Variants in SLC39A10 observed in about 807,000 individuals in gnomAD.
The protein encoded by SLC39A10 is zinc transporter ZIP10.
In SLC39A10, 13 loss-of-function variants were observed where a neutral mutation model predicts 65.1. The ratio of observed to expected loss-of-function variants is 0.20; its 90% CI spans 0.13 to 0.32. The LOEUF is 0.32. SLC39A10 is among the 10% of genes least tolerant of loss of function. The pLI is 1.00. For synonymous variants in SLC39A10, 321 were observed against 342.2 expected, an observed-to-expected ratio of 0.94 and a Z score of 0.68; for missense variants, 831 against 1,018.4, an observed-to-expected ratio of 0.82 and a Z score of 2.50.
At chr2:195,616,695 C>G (rs1343222694) in intron 2 of SLC39A10, among the ~76,000 whole-genome samples, 1 of 151,716 alleles carries the variant, frequency 6.6e-6, no homozygotes, top group Middle Eastern at 3.4e-3. Context: ...GCTCCGCCTC[C>G]CAGGTTCACG....
At chr2:195,690,503 G>A (rs1690696651) in intron 3 of SLC39A10, among the ~76,000 whole-genome samples, 1 of 152,116 alleles carries the variant, frequency 6.6e-6, no homozygotes, top group South Asian at 2.1e-4. Context: ...CCCCAAGAGT[G>A]CACAAGTCTC....
upstream of SLC39A10, among the ~76,000 whole-genome samples, chr2:195,651,996 G>A (rs1048570590): frequency 1.3e-5 from 2 of 152,170 alleles, no homozygotes; most frequent in Non-Finnish European, 1.5e-5. Context: ...TGTGCCCAAG[G>A]TGGTAGTTAA....
intron 1 of SLC39A10, among the ~76,000 whole-genome samples, chr2:195,672,936 T>C (rs999448927): frequency 3.3e-5 from 5 of 152,226 alleles, no homozygotes; most frequent in African/African-American, 1.2e-4. Context: ...TATCTTCCTT[T>C]GCTTAACAGT....
chr2:195,621,777 C>A (rs1688353451), intron 2 of SLC39A10, among the ~76,000 whole-genome samples: 1 of 152,116 alleles, frequency 6.6e-6, no homozygotes, highest in Non-Finnish European at 1.5e-5. Context: ...GAAATTAATT[C>A]TTTGTGTTTT....
At chr2:195,629,847 C>T (rs1004632595) in intron 2 of SLC39A10, among the ~76,000 whole-genome samples, 3 of 152,148 alleles carry the variant, frequency 2.0e-5, no homozygotes, top group Non-Finnish European at 4.4e-5. Flanking sequence ...CCTGCTTCAA[C>T]CTCTCAAGTA....
upstream of SLC39A10, among the ~76,000 whole-genome samples, chr2:195,654,059 C>T (rs1689097716): frequency 1.3e-5 from 2 of 152,110 alleles, no homozygotes; most frequent in Non-Finnish European, 2.9e-5. Flanking sequence ...CTGCCTCAGC[C>T]TTCCCAAGTA....
intron 3 of SLC39A10, among the ~76,000 whole-genome samples, chr2:195,701,674 A>G (rs1691201081): frequency 6.7e-6 from 1 of 150,086 alleles, no homozygotes; most frequent in African/African-American, 2.4e-5. Context: ...AGATTTTCAC[A>G]GGTTTTTTTT....
At chr2:195,641,545 A>G (rs926495011) in intron 2 of SLC39A10, among the ~76,000 whole-genome samples, 3 of 152,038 alleles carry the variant, frequency 2.0e-5, no homozygotes, top group Non-Finnish European at 4.4e-5. Flanking sequence ...TATTAATGGG[A>G]CTTTTTATAT....
intron 3 of SLC39A10, among the ~76,000 whole-genome samples, chr2:195,697,550 C>T (rs973777356): frequency 6.6e-6 from 1 of 151,942 alleles, no homozygotes; most frequent in African/African-American, 2.4e-5. Context: ...AGCCTAGTGC[C>T]CATTAGTTAT....
At chr2:195,643,090 G>C (rs1189712726) in intron 2 of SLC39A10, among the ~76,000 whole-genome samples, 1 of 152,224 alleles carries the variant, frequency 6.6e-6, no homozygotes, top group East Asian at 1.9e-4. Flanking sequence ...TCCTGGGGAT[G>C]TCACCTCACC....
intron 3 of SLC39A10, among the ~76,000 whole-genome samples, chr2:195,703,159 A>T (rs1691258160): frequency 6.6e-6 from 1 of 152,138 alleles, no homozygotes; most frequent in Non-Finnish European, 1.5e-5. Context: ...CATAGAACTA[A>T]TGAGCTCAGT....
At chr2:195,613,819 A>G (rs549097512) in intron 2 of SLC39A10, among the ~76,000 whole-genome samples, 2 of 152,262 alleles carry the variant, frequency 1.3e-5, no homozygotes, top group Non-Finnish European at 2.9e-5. Context: ...TATAGGAGCA[A>G]GAGAAAATGG....
At chr2:195,663,294 A>G (rs925090673) in intron 1 of SLC39A10, among the ~76,000 whole-genome samples, 6 of 152,310 alleles carry the variant, frequency 3.9e-5, no homozygotes, top group African/African-American at 1.4e-4. Flanking sequence ...ATATTTTGGT[A>G]TATTAACTCA....
upstream of SLC39A10, chr2:195,656,680 T>G (rs956563598): frequency 3.9e-5 from 6 of 152,208 alleles, no homozygotes; most frequent in African/African-American, 1.4e-4. Flanking sequence ...ACTGAAAAGG[T>G]TACTTTAACA....
In SLC39A10 at chr2:195,683,788, A is replaced by G; in HGVS notation, c.1098A>G (p.Ala366=). ...STDLFTYLCP[A]LLYQIDSRLC... ...ATTTATTTACATACCTTTGCCCTGC[A>G]TTGTTATATCAAATCGACAGCAGAC... The change falls in exon 3 of 10, where the codon GCA becomes GCG. Residue 366 remains alanine, a synonymous_variant. Coordinates refer to ENST00000359634, the MANE Select transcript of SLC39A10 (RefSeq NM_020342.3). 1 of 1,613,354 alleles carries G rather than the reference A, an allele frequency of 6.2e-7. No individual in the cohort carries two copies. Among genetic ancestry groups the G allele is most frequent in the Non-Finnish European group, 8.5e-7 (1 of 1,179,426 alleles).
chr2:195,661,244 T>TC (rs1401153171), intron 1 of SLC39A10, among the ~76,000 whole-genome samples: 5 of 152,312 alleles, frequency 3.3e-5, no homozygotes, highest in Middle Eastern at 3.4e-3. Context: ...CTCTTTTTTT[T>TC]CTTTTTATTA....
Position 195,737,622 on chromosome 2 carries a change from C to A in SLC39A10, c.*2581C>A. 1.6e-5 allele frequency: 3 copies of A among 193,496 alleles called. No individual in the cohort carries two copies. The highest frequency in any genetic ancestry group is 2.1e-5 in the Non-Finnish European group (2 of 96,014). The allele number at this position is 193,496 out of a possible 1,614,324, so 12.0% of individuals were successfully genotyped here. A position where few individuals can be genotyped will look rare whatever the true frequency, so the allele number is the denominator to read the frequency against. ...AATGCTGTTTTTTTTTTTTCATTGT[C>A]AACAGTGGTGTGTCATTTTATGTAT... On this transcript the variant is annotated 3_prime_UTR_variant, in exon 10 of 10. Transcript: ENST00000359634.
rs773995774 is a variant in SLC39A10 at position 195,735,074 on chromosome 2, T to C, written c.*33T>C. On this transcript the variant is annotated 3_prime_UTR_variant, in exon 10 of 10. Transcript: ENST00000359634. ...CAGTAATCACTGTTGATTACGAGAA[T>C]GTTACCATGCAGCTTTGCATCTGTT... 87 of 1,594,298 alleles carry C rather than the reference T, an allele frequency of 5.5e-5. No individual in the cohort carries two copies. Among genetic ancestry groups the C allele is most frequent in the Non-Finnish European group, 7.0e-5 (82 of 1,170,818 alleles).
intron 3 of SLC39A10, among the ~76,000 whole-genome samples, chr2:195,701,708 A>T (rs1321473227): frequency 6.6e-6 from 1 of 151,320 alleles, no homozygotes; most frequent in Non-Finnish European, 1.5e-5. Context: ...TTGAGACAGG[A>T]TCTCACTTTG....
Sources: allele counts gnomAD v4.1 joint callset (sites outside exome capture counted in the v4.1 genomes callset), GRCh38; gene constraint gnomAD v4.1.1; transcripts MANE v1.5; gene names NCBI Gene and HGNC (gene_info 2026-07-23, HGNC 2026-07-21).